CELF2: variants seen among roughly 807,000 people sequenced by gnomAD.
The protein encoded by CELF2 is CUG triplet repeat RNA-binding protein 2.
Under a neutral mutation model 62.6 loss-of-function variants are expected in CELF2, and 8 were observed. That is an observed-to-expected ratio of 0.13 (90% CI 0.07 to 0.23). The LOEUF (loss-of-function observed/expected upper bound fraction) is 0.23. Ranked by LOEUF, CELF2 falls within the 10% of genes least tolerant of loss-of-function variation. CELF2 has a pLI of 1.00. For synonymous variants in CELF2, 258 were observed against 250.0 expected, an observed-to-expected ratio of 1.03 and a Z score of -0.30; for missense variants, 333 against 671.0, an observed-to-expected ratio of 0.50 and a Z score of 5.56.
At chr10:10,939,594 G>A (rs190600706) in intron 2 of CELF2, among the ~76,000 whole-genome samples, 345 of 151,726 alleles carry the variant, frequency 2.3e-3, no homozygotes, top group African/African-American at 7.5e-3. Context: ...CTGATAATTA[G>A]CAAATTCTTA....
the CELF2 span, among the ~76,000 whole-genome samples, chr10:10,696,775 G>A: frequency 0.23 from 34,610 of 152,032 alleles, 4,144 homozygotes; most frequent in South Asian, 0.43. Context: ...TCCAGGTGCC[G>A]TCCGTCACCC....
chr10:11,097,283 G>A (rs2050163621), intron 1 of CELF2: 1 of 152,174 alleles, frequency 6.6e-6, no homozygotes, highest in South Asian at 2.1e-4. Context: ...TTAAAAACTT[G>A]CCTTTAAAAA....
the CELF2 span, among the ~76,000 whole-genome samples, chr10:10,581,480 A>C: frequency 6.6e-6 from 1 of 152,110 alleles, no homozygotes; most frequent in Non-Finnish European, 1.5e-5. Context: ...GGCAGGGTGG[A>C]GATTGTGTCA....
chr10:10,974,414 A>G (rs1325687461), intron 2 of CELF2, among the ~76,000 whole-genome samples: 1 of 152,220 alleles, frequency 6.6e-6, no homozygotes, highest in African/African-American at 2.4e-5. Context: ...CTGAAATTCA[A>G]TACTTAGATA....
At chr10:11,133,283 C>A (rs1316577615) in intron 1 of CELF2, among the ~76,000 whole-genome samples, 1 of 152,138 alleles carries the variant, frequency 6.6e-6, no homozygotes. Flanking sequence ...ATGTCAGGAA[C>A]CTACATTTCT....
rs1412280078 is a variant in CELF2 at position 11,177,815 on chromosome 10, T to C, written c.271+12133T>C. 2.0e-5 allele frequency among the ~76,000 whole-genome samples: 3 copies of C among 152,178 alleles called. No homozygotes were observed. The highest frequency in any genetic ancestry group is 7.2e-5 in the African/African-American group (3 of 41,452). Reference sequence around the variant, plus strand: ...CAGGAGCGGGTGAGGAGGGCCTTTCTCTGCCTCCCATTCCCAAAGCATTCT... The same window carrying C: ...CAGGAGCGGGTGAGGAGGGCCTTTCCCTGCCTCCCATTCCCAAAGCATTCT... On this transcript the variant is annotated intron_variant, in intron 2 of 12. Transcript: ENST00000633077. This position sits in a 1 kb window ranked among gnomAD's most constrained non-coding sequence, Gnocchi z 4.8.
At chr10:10,942,679 C>T (rs1004266107) in intron 2 of CELF2, among the ~76,000 whole-genome samples, 2 of 152,152 alleles carry the variant, frequency 1.3e-5, no homozygotes, top group African/African-American at 4.8e-5. Context: ...AGGGATTATA[C>T]AAAGACATGA....
intron 2 of CELF2, among the ~76,000 whole-genome samples, chr10:11,179,550 G>A (rs1270109467): frequency 6.6e-6 from 1 of 152,146 alleles, no homozygotes; most frequent in Non-Finnish European, 1.5e-5. Context: ...CATTTTTACA[G>A]TTACTATTCT....
intron 1 of CELF2, among the ~76,000 whole-genome samples, chr10:10,806,963 A>G (rs1049205313): frequency 2.0e-5 from 3 of 152,036 alleles, no homozygotes; most frequent in African/African-American, 7.2e-5. Flanking sequence ...GTCCACGGTT[A>G]CCCCCCTTTT....
intron 1 of CELF2, among the ~76,000 whole-genome samples, chr10:10,868,707 C>T (rs1480582103): frequency 1.3e-5 from 2 of 152,152 alleles, no homozygotes; most frequent in African/African-American, 4.8e-5. Flanking sequence ...CCTGCTTTAA[C>T]CTGTGAGCAT....
At chr10:10,757,633 T>C in the CELF2 span, among the ~76,000 whole-genome samples, 1 of 152,078 alleles carries the variant, frequency 6.6e-6, no homozygotes, top group Non-Finnish European at 1.5e-5. Flanking sequence ...TAAAAAGAGA[T>C]ACAAATGAAA....
chr10:10,910,699 CAAAAAAA>C (rs55954207), intron 1 of CELF2, among the ~76,000 whole-genome samples: 3 of 92,244 alleles, frequency 3.3e-5, no homozygotes, highest in Non-Finnish European at 2.1e-5. Context: ...GACTCTGCCT[CAAAAAAA>C]AAAAAAAAAA....
At chr10:10,550,980 G>A in the CELF2 span, among the ~76,000 whole-genome samples, 1 of 152,182 alleles carries the variant, frequency 6.6e-6, no homozygotes, top group Non-Finnish European at 1.5e-5. Context: ...TTACAGGCAT[G>A]AGCCACCACG....
upstream of CELF2, among the ~76,000 whole-genome samples, chr10:11,013,479 A>G (rs551733202): frequency 1.3e-5 from 2 of 152,308 alleles, no homozygotes; most frequent in South Asian, 4.1e-4. This position sits in a 1 kb window ranked among gnomAD's most constrained non-coding sequence, Gnocchi z 4.1. Flanking sequence ...TATGTATCCA[A>G]GGAACTGTCT....
chr10:10,978,075 A>G (rs919782296), intron 2 of CELF2, among the ~76,000 whole-genome samples: 4 of 140,844 alleles, frequency 2.8e-5, no homozygotes, highest in African/African-American at 1.1e-4. Flanking sequence ...GGTTAACATT[A>G]GGCAATTCTT....
At chr10:10,714,325 C>T in the CELF2 span, among the ~76,000 whole-genome samples, 25 of 152,048 alleles carry the variant, frequency 1.6e-4, no homozygotes, top group African/African-American at 5.6e-4. Flanking sequence ...AAGAAATTTT[C>T]GTCTGGAAAA....
intron 1 of CELF2, among the ~76,000 whole-genome samples, chr10:10,801,401 A>C (rs2054648605): frequency 6.6e-6 from 1 of 152,206 alleles, no homozygotes; most frequent in Non-Finnish European, 1.5e-5. Flanking sequence ...TGCTTCATTT[A>C]ACGGTTTACT....
rs989516462 is a variant in CELF2 at position 11,266,369 on chromosome 10, TAATA to T, written c.539-217_539-214del. 2.3e-4 allele frequency among the ~76,000 whole-genome samples: 35 copies of T among 152,266 alleles called. No homozygotes were observed. In the East Asian group the frequency reaches 5.2e-3, roughly 23 times the overall value. The stretch of plus-strand genomic sequence containing the variant: ...CCTAGTTTCCATTTAAAAAATAAAC[TAATA>T]AATAAATAAATCTTTCTGCTTTGGT... On this transcript the variant is annotated intron_variant, in intron 5 of 12. Coordinates refer to ENST00000633077, the MANE Select transcript of CELF2 (RefSeq NM_001326342.2).
chr10:11,300,083 C>T lies in CELF2; in HGVS notation c.976+11531C>T, dbSNP rs376600514. On this transcript the variant is annotated intron_variant, in intron 9 of 12. Transcript: ENST00000633077. The surrounding 1 kb of genome is among the most constrained non-coding windows in gnomAD (Gnocchi z 5.5). ...CTGGGGAAGATGCTAAAAATTAGGC[C>T]GGGTAGGGAGGCACCCTGGTTTATT... Among the ~76,000 whole-genome samples, 12 of 152,094 alleles carry T rather than the reference C, an allele frequency of 7.9e-5. No homozygotes were observed. The highest frequency in any genetic ancestry group is 2.9e-4 in the African/African-American group (12 of 41,412).
Sources: allele counts gnomAD v4.1 joint callset (sites outside exome capture counted in the v4.1 genomes callset), GRCh38; gene constraint gnomAD v4.1.1; non-coding constraint Gnocchi (gnomAD v3.1); transcripts MANE v1.5; gene names NCBI Gene and HGNC (gene_info 2026-07-23, HGNC 2026-07-21).